The following CNTN5 variants were observed in gnomAD, a reference collection of about 807,000 sequenced individuals.
The protein encoded by CNTN5 is contactin-5.
In CNTN5, 77 loss-of-function variants were observed where a neutral mutation model predicts 129.1. That is an observed-to-expected ratio of 0.60 (90% CI 0.50 to 0.72). The LOEUF is 0.72. Ranked by LOEUF, CNTN5 falls within the 30% of genes least tolerant of loss-of-function variation. The pLI, the probability that CNTN5 is intolerant of heterozygous loss-of-function variation, is 0.00. For missense variants in CNTN5, 1,478 were observed against 1,328.8 expected, an observed-to-expected ratio of 1.11 and a Z score of -1.75; for synonymous variants, 509 against 465.6, an observed-to-expected ratio of 1.09 and a Z score of -1.20.
chr11:100,057,783 A>C (rs943840607), intron 9 of CNTN5, among the ~76,000 whole-genome samples: 6 of 151,934 alleles, frequency 3.9e-5, no homozygotes, highest in African/African-American at 1.4e-4. Context: ...TCTGTGGGGG[A>C]AAATACAGAA....
intron 1 of CNTN5, among the ~76,000 whole-genome samples, chr11:99,225,641 A>G (rs964858278): frequency 6.6e-6 from 1 of 152,152 alleles, no homozygotes; most frequent in East Asian, 1.9e-4. Context: ...AATCTGCATA[A>G]CAATGATCAT....
At chr11:99,650,828 A>G (rs1000274405) in intron 3 of CNTN5, among the ~76,000 whole-genome samples, 2 of 151,948 alleles carry the variant, frequency 1.3e-5, no homozygotes, top group African/African-American at 4.8e-5. Context: ...ATGCTTTGAT[A>G]CATAAGCTAA....
intron 15 of CNTN5, among the ~76,000 whole-genome samples, chr11:100,224,206 G>A (rs1336498613): frequency 1.3e-5 from 2 of 152,110 alleles, no homozygotes; most frequent in East Asian, 3.9e-4. Flanking sequence ...TCTTTCAACT[G>A]AGCACTGTCT....
At chr11:99,722,615 C>G (rs1323695441) in intron 3 of CNTN5, among the ~76,000 whole-genome samples, 2 of 151,962 alleles carry the variant, frequency 1.3e-5, no homozygotes, top group East Asian at 1.9e-4. Context: ...ATGTACCCCC[C>G]AAACCTAAAA....
chr11:99,632,008 T>A (rs1951373704), intron 3 of CNTN5, among the ~76,000 whole-genome samples: 1 of 152,116 alleles, frequency 6.6e-6, no homozygotes, highest in South Asian at 2.1e-4. Flanking sequence ...AACTTTATCA[T>A]AGGAAGAACA....
chr11:99,390,421 T>A (rs966152220), intron 2 of CNTN5, among the ~76,000 whole-genome samples: 1 of 152,184 alleles, frequency 6.6e-6, no homozygotes, highest in Non-Finnish European at 1.5e-5. Flanking sequence ...AAGACATACT[T>A]GTTATTCATA....
At chr11:99,565,321 T>A (rs1315351447) in intron 3 of CNTN5, among the ~76,000 whole-genome samples, 1 of 152,088 alleles carries the variant, frequency 6.6e-6, no homozygotes, top group African/African-American at 2.4e-5. Flanking sequence ...AGCCTCCTCC[T>A]CAGAAATCTC....
chr11:99,532,782 T>A (rs10893469), intron 2 of CNTN5, among the ~76,000 whole-genome samples: 37,102 of 152,122 alleles, frequency 0.24, 5,004 homozygotes, highest in Non-Finnish European at 0.31. Flanking sequence ...TCCCAATCCA[T>A]GTGGAACTGT....
At chr11:99,926,466 T>C (rs1428791334) in intron 7 of CNTN5, among the ~76,000 whole-genome samples, 4 of 152,108 alleles carry the variant, frequency 2.6e-5, no homozygotes, top group African/African-American at 9.7e-5. Flanking sequence ...GCAACCAAAA[T>C]TTCACAGAGG....
chr11:100,143,320 A>G (rs757482921), intron 13 of CNTN5, among the ~76,000 whole-genome samples: 3 of 152,116 alleles, frequency 2.0e-5, no homozygotes, highest in Non-Finnish European at 2.9e-5. Flanking sequence ...TTTGGTGAGT[A>G]TTCTAATTGT....
chr11:99,975,148 T>A (rs968595141), intron 8 of CNTN5, among the ~76,000 whole-genome samples: 1 of 152,258 alleles, frequency 6.6e-6, no homozygotes, highest in Non-Finnish European at 1.5e-5. Flanking sequence ...AATTGGAAAT[T>A]TAGAGGCAAA....
intron 1 of CNTN5, among the ~76,000 whole-genome samples, chr11:99,182,944 AG>A (rs5793977): frequency 0.099 from 14,998 of 152,134 alleles, 1,280 homozygotes; most frequent in East Asian, 0.4. Context: ...AATCATTAAT[AG>A]TTTATTAGTA....
At chr11:99,183,646 T>C (rs567243998) in intron 1 of CNTN5, among the ~76,000 whole-genome samples, 1 of 152,284 alleles carries the variant, frequency 6.6e-6, no homozygotes, top group African/African-American at 2.4e-5. Context: ...TCCAAAGCTC[T>C]ATCCTCGGTT....
At chr11:100,355,972 T>C in intron 24 of CNTN5, 145 bp from the exon 25 acceptor site, 2 of 615,304 alleles carry the variant, frequency 3.3e-6, no homozygotes, top group Non-Finnish European at 5.8e-6. Context: ...CCTCAGATAA[T>C]GTCTGATTTT....
intron 3 of CNTN5, among the ~76,000 whole-genome samples, chr11:99,719,028 C>A (rs1943078319): frequency 6.6e-6 from 1 of 151,950 alleles, no homozygotes; most frequent in Non-Finnish European, 1.5e-5. Context: ...ATATTAAGAC[C>A]ATAACAGAGA....
intron 1 of CNTN5, among the ~76,000 whole-genome samples, chr11:99,176,703 C>T (rs1857791593): frequency 6.6e-6 from 1 of 152,164 alleles, no homozygotes; most frequent in Admixed American, 6.5e-5. Context: ...TTTCCCACCA[C>T]CTCCACCACT....
intron 1 of CNTN5, among the ~76,000 whole-genome samples, chr11:99,255,245 A>T (rs1239368559): frequency 2.6e-5 from 4 of 151,888 alleles, no homozygotes; most frequent in Admixed American, 1.3e-4. Context: ...TTTTTAAAAT[A>T]TATCCAGAAA....
At chr11:99,428,686 TTA>T (rs1943242414) in intron 2 of CNTN5, among the ~76,000 whole-genome samples, 1 of 152,046 alleles carries the variant, frequency 6.6e-6, no homozygotes, top group Non-Finnish European at 1.5e-5. Flanking sequence ...AGATTCTAAA[TTA>T]TATGTTTATG....
At chr11:99,355,213 G>A (rs751244540) in intron 2 of CNTN5, among the ~76,000 whole-genome samples, 1 of 151,988 alleles carries the variant, frequency 6.6e-6, no homozygotes, top group Non-Finnish European at 1.5e-5. Context: ...TGTATTATTT[G>A]TCTGTTTACT....
Sources: allele counts gnomAD v4.1 joint callset (sites outside exome capture counted in the v4.1 genomes callset), GRCh38; gene constraint gnomAD v4.1.1; transcripts MANE v1.5; gene names NCBI Gene and HGNC (gene_info 2026-07-23, HGNC 2026-07-21).